HS6ST3: variants seen among roughly 807,000 people sequenced by gnomAD.
HS6ST3 encodes the protein heparan sulfate 6-O-sulfotransferase 3.
In HS6ST3, 12 loss-of-function variants were observed where a neutral mutation model predicts 36.7. That is an observed-to-expected ratio of 0.33 (90% CI 0.21 to 0.53). HS6ST3 has a LOEUF of 0.53. Ranked by LOEUF, HS6ST3 falls within the 20% of genes least tolerant of loss-of-function variation. The pLI is 0.95. For missense variants in HS6ST3, 584 were observed against 640.9 expected, an observed-to-expected ratio of 0.91 and a Z score of 0.96; for synonymous variants, 240 against 257.5, an observed-to-expected ratio of 0.93 and a Z score of 0.65.
chr13:96,131,904 T>TA (rs528253564), intron 1 of HS6ST3, among the ~76,000 whole-genome samples: 2,940 of 150,628 alleles, frequency 0.02, 78 homozygotes, highest in African/African-American at 0.062. Flanking sequence ...ATGGAAAAGA[T>TA]AAAAAAAAAG....
At chr13:96,511,368 G>A (rs940872127) in intron 1 of HS6ST3, among the ~76,000 whole-genome samples, 2 of 152,066 alleles carry the variant, frequency 1.3e-5, no homozygotes, top group African/African-American at 4.8e-5. Flanking sequence ...TTTATCATCA[G>A]TGCAGGAGGA....
intron 1 of HS6ST3, among the ~76,000 whole-genome samples, chr13:96,827,150 C>T (rs550299730): frequency 4.7e-4 from 72 of 152,268 alleles, no homozygotes; most frequent in Non-Finnish European, 8.5e-4. Flanking sequence ...ACCAAAATCA[C>T]GGGGTGCCTA....
intron 1 of HS6ST3, among the ~76,000 whole-genome samples, chr13:96,230,207 G>A (rs541529147): frequency 9.9e-5 from 15 of 152,270 alleles, no homozygotes; most frequent in African/African-American, 3.1e-4. Flanking sequence ...GTCTTTTAGA[G>A]TGTAATGTTG....
chr13:96,800,000 A>ATATATG (rs1878025719), intron 1 of HS6ST3, among the ~76,000 whole-genome samples: 1 of 89,392 alleles, frequency 1.1e-5, no homozygotes, highest in African/African-American at 5.5e-5. Flanking sequence ...ATATATATGT[A>ATATATG]TATATATATA....
In HS6ST3 at chr13:96,317,353, TATATATATATATATAAAATTATATA is replaced by T. The variant is rs1566322064; in HGVS notation, c.707+225785_707+225809del. ...ATATATATATATATATATATATATATATATATATATATATAAAATTATATATATATATATATATATATCATGGAAT... is the reference window on the plus strand; with the variant it reads ...ATATATATATATATATATATATATATTATATATATATATATATCATGGAAT... On this transcript the variant is annotated intron_variant, in intron 1 of 1. Transcript: ENST00000376705. Among the ~76,000 whole-genome samples, 49 of 31,978 alleles carry T rather than the reference TATATATATATATATAAAATTATATA, an allele frequency of 1.5e-3. 1 individual carries two copies. Among genetic ancestry groups the T allele is most frequent in the Non-Finnish European group, 2.0e-3 (30 of 14,888 alleles). 21.0% of individuals were successfully genotyped at this position (31,978 alleles called of 152,430 possible).
At chr13:96,422,785 A>T (rs764900371) in intron 1 of HS6ST3, among the ~76,000 whole-genome samples, 3 of 152,202 alleles carry the variant, frequency 2.0e-5, no homozygotes, top group Non-Finnish European at 4.4e-5. Flanking sequence ...GATAGGAAGG[A>T]ATCAAGAAAC....
chr13:96,702,164 G>A (rs1251426059), intron 1 of HS6ST3, among the ~76,000 whole-genome samples: 1 of 152,168 alleles, frequency 6.6e-6, no homozygotes, highest in Non-Finnish European at 1.5e-5. Context: ...AGGCAACATT[G>A]GGTTATGGTT....
intron 1 of HS6ST3, among the ~76,000 whole-genome samples, chr13:96,621,168 G>A (rs763124971): frequency 6.6e-6 from 1 of 152,164 alleles, no homozygotes; most frequent in African/African-American, 2.4e-5. Flanking sequence ...CTTGTTCCAT[G>A]TTCTTAATGG....
At chr13:96,526,602 A>G (rs948083116) in intron 1 of HS6ST3, among the ~76,000 whole-genome samples, 9 of 152,196 alleles carry the variant, frequency 5.9e-5, no homozygotes, top group African/African-American at 1.9e-4. Context: ...GTGTGAAGCT[A>G]TGACGGAATG....
chr13:96,254,480 T>A lies in HS6ST3; in HGVS notation c.707+162911T>A, dbSNP rs1566302641. ...ATATATATATATATATATATATATA[T>A]ATATATATATATATATATACACATA... On this transcript the variant is annotated intron_variant, in intron 1 of 1. Transcript: ENST00000376705. 7.0e-4 allele frequency among the ~76,000 whole-genome samples: 10 copies of A among 14,272 alleles called. 1 individual carries two copies. The highest frequency in any genetic ancestry group is 5.3e-4 in the Non-Finnish European group (4 of 7,486). 9.4% of individuals were successfully genotyped at this position (14,272 alleles called of 152,430 possible).
chr13:96,791,766 G>A (rs1315124715), intron 1 of HS6ST3, among the ~76,000 whole-genome samples: 6 of 151,950 alleles, frequency 3.9e-5, no homozygotes, highest in African/African-American at 1.2e-4. Flanking sequence ...AATGCCGTGT[G>A]TTTTAGATCT....
intron 1 of HS6ST3, among the ~76,000 whole-genome samples, chr13:96,559,477 C>T (rs1361491639): frequency 6.6e-6 from 1 of 152,144 alleles, no homozygotes; most frequent in Non-Finnish European, 1.5e-5. Context: ...CTCTCTTTCC[C>T]AGCCTAGTTT....
chr13:96,436,727 T>G (rs1175553718), intron 1 of HS6ST3, among the ~76,000 whole-genome samples: 1 of 152,196 alleles, frequency 6.6e-6, no homozygotes, highest in African/African-American at 2.4e-5. Context: ...GGTGGCTGTC[T>G]GCAAGCCAGA....
chr13:96,193,143 G>A (rs1008123031), intron 1 of HS6ST3, among the ~76,000 whole-genome samples: 2 of 152,178 alleles, frequency 1.3e-5, no homozygotes, highest in Non-Finnish European at 2.9e-5. Context: ...GAGAAATCAA[G>A]GTTGCTGAAG....
At chr13:96,811,099 T>A (rs924623825) in intron 1 of HS6ST3, among the ~76,000 whole-genome samples, 2 of 152,138 alleles carry the variant, frequency 1.3e-5, no homozygotes, top group African/African-American at 4.8e-5. Flanking sequence ...GACAGGTGAA[T>A]CTTTTTCTTG....
intron 1 of HS6ST3, among the ~76,000 whole-genome samples, chr13:96,310,594 T>C (rs1370424225): frequency 6.6e-6 from 1 of 152,056 alleles, no homozygotes; most frequent in Non-Finnish European, 1.5e-5. Context: ...TTTCTATCTC[T>C]GTCTCCCTCC....
chr13:96,312,469 C>T (rs2054946203), intron 1 of HS6ST3, among the ~76,000 whole-genome samples: 1 of 151,926 alleles, frequency 6.6e-6, no homozygotes, highest in Non-Finnish European at 1.5e-5. Flanking sequence ...TTGTTAATTT[C>T]ATTTAAATTG....
chr13:96,697,899 A>G (rs1875174525), intron 1 of HS6ST3, among the ~76,000 whole-genome samples: 1 of 152,174 alleles, frequency 6.6e-6, no homozygotes, highest in Non-Finnish European at 1.5e-5. Flanking sequence ...AGTATAAGGG[A>G]AAATTGTTTT....
At chr13:96,104,214 A>G (rs1594677222) in intron 1 of HS6ST3, among the ~76,000 whole-genome samples, 1 of 152,330 alleles carries the variant, frequency 6.6e-6, no homozygotes, top group East Asian at 1.9e-4. Flanking sequence ...AAGTTACTTT[A>G]GAATAGAAAA....
Sources: allele counts gnomAD v4.1 joint callset (sites outside exome capture counted in the v4.1 genomes callset), GRCh38; gene constraint gnomAD v4.1.1; transcripts MANE v1.5; gene names NCBI Gene and HGNC (gene_info 2026-07-23, HGNC 2026-07-21).